Variants in MED23 observed in about 807,000 individuals in gnomAD.
The protein encoded by MED23 is mediator complex subunit 23.
MED23 carries 105 observed loss-of-function variants against 163.9 expected under a neutral mutation model. The observed-to-expected ratio is 0.64, with a 90% CI of 0.55 to 0.75. The LOEUF is 0.75. Ranked by LOEUF, MED23 falls within the 30% of genes least tolerant of loss-of-function variation. The pLI is 0.00. For synonymous variants in MED23, 561 were observed against 565.6 expected (o/e 0.99, Z 0.12); for missense variants, 1,054 against 1,649.0 (o/e 0.64, Z 6.25).
chr6:131,579,387 C>A, intron 30 of MED23: 1 of 1,339,370 alleles, frequency 7.5e-7, no homozygotes, highest in Non-Finnish European at 1.0e-6. Flanking sequence ...AAGCATTGAC[C>A]TATATTTTAT....
At chr6:131,593,598 C>T (rs1207375737) in intron 23 of MED23, among the ~76,000 whole-genome samples, 2 of 151,978 alleles carry the variant, frequency 1.3e-5, no homozygotes, top group Non-Finnish European at 2.9e-5. Flanking sequence ...TGGTTATAGA[C>T]ATTAAGTATA....
chr6:131,588,075 G>A (rs77312336), intron 28 of MED23, among the ~76,000 whole-genome samples: 3,004 of 152,156 alleles, frequency 0.02, 114 homozygotes, highest in African/African-American at 0.07. Context: ...TATTATATGT[G>A]CATGTCTGTA....
At chr6:131,609,973 G>T in intron 11 of MED23, 73 bp downstream of exon 11, 1 of 1,384,414 alleles carries the variant, frequency 7.2e-7, no homozygotes. Context: ...AAATCACTAG[G>T]GAATGCCCAC....
At chr6:131,591,745 C>T (rs1308501336) in intron 25 of MED23, 3 of 598,410 alleles carry the variant, frequency 5.0e-6, no homozygotes, top group Non-Finnish European at 8.9e-6. Context: ...CTGTCCAGCT[C>T]ATTTAGGTAC....
chr6:131,606,514 C>A lies in MED23; in HGVS notation c.1332G>T (p.Gln444His). Reference protein sequence around the residue: ...RKAQNDNSKLQIPIPHSLRLH... With the variant: ...RKAQNDNSKLHIPIPHSLRLH... ...GTCTTAGGGAATGAGGTATTGGAAT[C>A]TGTAGCTTGGAGTTGTCATTTTGAG... Residue 444 changes from glutamine to histidine, a missense_variant, in exon 13 of 29, where the codon CAG (glutamine) becomes CAT (histidine). This residue lies in a region of MED23 where 39 missense variants were observed against 50.5 expected (regional missense o/e 0.77). Transcript: ENST00000368068. 1 of 1,613,544 alleles carries A rather than the reference C, an allele frequency of 6.2e-7. No homozygotes were observed. The highest frequency in any genetic ancestry group is 8.5e-7 in the Non-Finnish European group (1 of 1,179,692).
rs1776159085 is a variant in MED23, at chr6:131,609,957, G to C, written c.1077+89C>G. On this transcript the variant is annotated intron_variant, in intron 11 of 28. Transcript: ENST00000368068. ...AAATTAGGGCTCAGAACTTCTGTCA[G>C]TTCTAAAATCACTAGGGAATGCCCA... 3.9e-6 allele frequency: 5 copies of C among 1,282,906 alleles called. No homozygotes were observed. In the East Asian group the frequency reaches 1.2e-4, roughly 30 times the overall value. The allele number at this position is 1,282,906 out of a possible 1,614,324, so 79.5% of individuals were successfully genotyped here. A position where few individuals can be genotyped will look rare whatever the true frequency, so the allele number is the denominator to read the frequency against.
At chr6:131,624,591 G>A (rs2295446) in intron 4 of MED23, among the ~76,000 whole-genome samples, 11,732 of 152,222 alleles carry the variant, frequency 0.077, 1,448 homozygotes, top group African/African-American at 0.26. Flanking sequence ...ATAAGGTGTT[G>A]AGGTTGTGCA....
Position 131,602,899 on chromosome 6 carries a change from G to T in MED23, c.1931+131C>A, listed in dbSNP as rs546506660. 1.1e-4 allele frequency: 99 copies of T among 916,156 alleles called. No individual in the cohort carries two copies. The African/African-American group carries it at 1.5e-3, about 14-fold the overall frequency. 56.8% of individuals were successfully genotyped at this position (916,156 alleles called of 1,614,324 possible). A position where few individuals can be genotyped will look rare whatever the true frequency, so the allele number is the denominator to read the frequency against. On this transcript the variant is annotated intron_variant, in intron 16 of 28. Coordinates refer to ENST00000368068, the MANE Select transcript of MED23 (RefSeq NM_004830.4). ...ATACTGGAAACAAAATACTTTAGAA[G>T]CAGAGAAGTTTTATGACAGATGAAT...
Position 131,587,737 on chromosome 6 carries a change from CTG to C in MED23, c.4047_4048del (p.Asn1349LysfsTer9). ...ATTAGACTGAGGTGCTGGAGACCCACTGTTCATGGCTTGTGGAGGCACTGCAG... is the reference window on the plus strand; with the variant it reads ...ATTAGACTGAGGTGCTGGAGACCCACTTCATGGCTTGTGGAGGCACTGCAG... On this transcript the variant is annotated frameshift_variant, in exon 29 of 29. Transcript: ENST00000368068. LOFTEE classifies it high-confidence loss of function. 6.2e-7 allele frequency: 1 copy of C among 1,614,176 alleles called. No homozygotes were observed. The highest frequency in any genetic ancestry group is 8.5e-7 in the Non-Finnish European group (1 of 1,180,010).
At position 131,627,658 on chromosome 6, in the gene MED23, T is replaced by C; in HGVS notation, c.54A>G (p.Ile18Met). 1 of 1,604,186 alleles carries C rather than the reference T, an allele frequency of 6.2e-7. No homozygotes were observed. The highest frequency in any genetic ancestry group is 8.5e-7 in the Non-Finnish European group (1 of 1,176,298). Residue 18 changes from isoleucine (I) to methionine (M), a missense_variant, in exon 2 of 29, where the codon ATA (isoleucine) becomes ATG (methionine). By Grantham distance (10) the Ile-to-Met change is conservative. Transcript: ENST00000368068. The stretch of plus-strand genomic sequence containing the variant: ...ACACTCACCCAGGAAAAGCCTCTTC[T>C]ATAACTTCCGTTTTCTGTAAAAAAA... ...IFEEVVKTEV[I>M]EEAFPGMFMD...
intron 11 of MED23, 24 bp downstream of exon 11, chr6:131,610,022 C>A (rs1450725037): frequency 6.2e-7 from 1 of 1,606,054 alleles, no homozygotes; most frequent in East Asian, 2.2e-5. Context: ...TGAAGTCACT[C>A]CGACCATAAG....
At position 131,598,801 on chromosome 6, in the gene MED23, A is replaced by C. The variant is rs1313495687; in HGVS notation, c.2221-40T>G. ...AGAAGTTTATTTCATTGGTTATAGT[A>C]GAAAGAGCACTGGATATGGAGTTAA... On this transcript the variant is annotated intron_variant, in intron 18 of 28. Coordinates refer to ENST00000368068, the MANE Select transcript of MED23 (RefSeq NM_004830.4). This position sits in a 1 kb window ranked among gnomAD's most constrained non-coding sequence, Gnocchi z 4.7. 2 of 1,574,492 alleles carry C rather than the reference A, an allele frequency of 1.3e-6. No homozygotes were observed. Among genetic ancestry groups the C allele is most frequent in the East Asian group, 4.5e-5 (2 of 44,624 alleles).
At chr6:131,624,786 T>C (rs1777360782) in intron 4 of MED23, 79 bp downstream of exon 4, 1 of 1,506,040 alleles carries the variant, frequency 6.6e-7, no homozygotes, top group Non-Finnish European at 9.2e-7. Context: ...CTTACCTTTT[T>C]ACAACAACAA....
intron 17 of MED23, 88 bp from the exon 18 acceptor site, chr6:131,600,250 C>G: frequency 7.6e-7 from 1 of 1,315,068 alleles, no homozygotes; most frequent in Non-Finnish European, 1.1e-6. Flanking sequence ...TAATTATGTA[C>G]ACTGAGAATT....
At chr6:131,619,687 G>A (rs1776943655) in intron 8 of MED23, 140 bp downstream of exon 8, 1 of 659,262 alleles carries the variant, frequency 1.5e-6, no homozygotes, top group Non-Finnish European at 2.7e-6. Context: ...CAAGGGAAAG[G>A]CATTATATTA....
intron 3 of MED23, among the ~76,000 whole-genome samples, chr6:131,626,385 C>T (rs1379598211): frequency 1.3e-5 from 2 of 151,060 alleles, no homozygotes; most frequent in Admixed American, 6.6e-5. Context: ...GAAGGTACAG[C>T]CATACAATGG....
Position 131,627,420 on chromosome 6 carries a change from T to A in MED23, c.135A>T (p.Arg45Ser), listed in dbSNP as rs767935490. 1 of 1,613,468 alleles carries A rather than the reference T, an allele frequency of 6.2e-7. No individual in the cohort carries two copies. Among genetic ancestry groups the A allele is most frequent in the South Asian group, 1.1e-5 (1 of 91,062 alleles). The change falls in exon 3 of 29, where the codon AGA (arginine) becomes AGT (serine). Residue 45 changes from arginine to serine, a missense_variant. Physicochemically the swap from Arg to Ser is moderately radical, Grantham distance 110. Transcript: ENST00000368068. ...TKLISCLGAF[R>S]QFWGGLSQES... The stretch of plus-strand genomic sequence containing the variant: ...CCTGAGAAAGACCACCCCAAAACTG[T>A]CTGAAGGCCCCCAAACAGCTAATTA...
chr6:131,594,414 A>G, intron 22 of MED23, 79 bp from the exon 23 acceptor site: 1 of 1,081,660 alleles, frequency 9.2e-7, no homozygotes, highest in African/African-American at 1.5e-5. Context: ...TGCTTTCCAG[A>G]TAACTGAAAA....
intron 8 of MED23, 59 bp downstream of exon 8, chr6:131,619,768 C>T (rs1776950172): frequency 7.7e-7 from 1 of 1,293,718 alleles, no homozygotes; most frequent in African/African-American, 1.5e-5. Flanking sequence ...CAGCTTTGTT[C>T]AATAATTAGA....
Sources: allele counts gnomAD v4.1 joint callset (sites outside exome capture counted in the v4.1 genomes callset), GRCh38; gene constraint gnomAD v4.1.1; regional missense constraint gnomAD v4.1.1; non-coding constraint Gnocchi (gnomAD v3.1); transcripts MANE v1.5; gene names NCBI Gene and HGNC (gene_info 2026-07-23, HGNC 2026-07-21).